SYT2: variants seen among roughly 807,000 people sequenced by gnomAD.
SYT2 encodes synaptotagmin-2.
Under a neutral mutation model 39.9 loss-of-function variants are expected in SYT2, and 15 were observed. The observed-to-expected ratio is 0.38, with a 90% confidence interval of 0.25 to 0.58. The LOEUF (loss-of-function observed/expected upper bound fraction) is 0.58. Ranked by LOEUF, SYT2 falls within the 20% of genes least tolerant of loss-of-function variation. SYT2 has a pLI of 0.70. For synonymous variants in SYT2, 181 were observed against 204.5 expected, an observed-to-expected ratio of 0.89 and a Z score of 0.98; for missense variants, 389 against 530.3, an observed-to-expected ratio of 0.73 and a Z score of 2.62.
At chr1:202,705,590 C>T (rs913236703) in intron 1 of SYT2, among the ~76,000 whole-genome samples, 2 of 152,204 alleles carry the variant, frequency 1.3e-5, no homozygotes, top group Admixed American at 6.5e-5. Context: ...TCCTACTTCC[C>T]TAAGTGTGAG....
At chr1:202,709,125 T>C (rs757751317) in intron 1 of SYT2, among the ~76,000 whole-genome samples, 5 of 152,202 alleles carry the variant, frequency 3.3e-5, no homozygotes, top group Non-Finnish European at 5.9e-5. Context: ...TTCCTCCTCC[T>C]TATAAGCTAA....
intron 1 of SYT2, chr1:202,639,412 C>G (rs1691837481): frequency 2.6e-6 from 2 of 764,490 alleles, no homozygotes. Flanking sequence ...GGCTGGCAAG[C>G]TCCGTCGCTG....
intron 1 of SYT2, among the ~76,000 whole-genome samples, chr1:202,669,345 C>A (rs1261170299): frequency 2.6e-5 from 4 of 151,544 alleles, no homozygotes; most frequent in African/African-American, 9.7e-5. Context: ...ATAGTGAGAC[C>A]TTGTCTGTAC....
chr1:202,693,367 G>A lies in SYT2; in HGVS notation c.-18+16891C>T, dbSNP rs78382612. On this transcript the variant is annotated intron_variant, in intron 1 of 8. Coordinates refer to ENST00000367268, the MANE Select transcript of SYT2 (RefSeq NM_177402.5). ...AGATACCCTTCAAGACCATGGGGAA[G>A]GGTACAGTGCACAGTTCAAACCTCT... 2.4e-4 allele frequency among the ~76,000 whole-genome samples: 37 copies of A among 152,316 alleles called. 1 individual carries two copies. The East Asian group carries it at 6.5e-3, about 27-fold the overall frequency.
chr1:202,682,974 C>T (rs188018467), intron 1 of SYT2, among the ~76,000 whole-genome samples: 15 of 152,126 alleles, frequency 9.9e-5, no homozygotes, highest in African/African-American at 2.2e-4. Context: ...GATATCCAAA[C>T]GGCCAATAAG....
At chr1:202,658,518 C>T (rs985459165) in intron 1 of SYT2, among the ~76,000 whole-genome samples, 3 of 152,068 alleles carry the variant, frequency 2.0e-5, no homozygotes, top group Non-Finnish European at 4.4e-5. Flanking sequence ...GCCTCTGGCC[C>T]CCAGGCTATG....
chr1:202,652,223 C>G (rs1692207459), intron 1 of SYT2, among the ~76,000 whole-genome samples: 1 of 152,216 alleles, frequency 6.6e-6, no homozygotes, highest in South Asian at 2.1e-4. Context: ...GTCCCTTTGC[C>G]TTGGGTGAGT....
At chr1:202,664,015 G>T (rs1692438306) in intron 1 of SYT2, among the ~76,000 whole-genome samples, 1 of 152,198 alleles carries the variant, frequency 6.6e-6, no homozygotes, top group East Asian at 1.9e-4. Flanking sequence ...CAGCATCGGG[G>T]ATGTCAGCTG....
chr1:202,615,772 C>G (rs1440993211), intron 1 of SYT2, among the ~76,000 whole-genome samples: 1 of 152,178 alleles, frequency 6.6e-6, no homozygotes, highest in East Asian at 1.9e-4. Context: ...GGCACTTACT[C>G]TCCCTCAGCC....
At chr1:202,661,679 G>C (rs940158022) in intron 1 of SYT2, among the ~76,000 whole-genome samples, 4 of 152,162 alleles carry the variant, frequency 2.6e-5, no homozygotes, top group Admixed American at 2.6e-4. Context: ...AAGGGGGCAG[G>C]TGTTCAGAGA....
intron 1 of SYT2, among the ~76,000 whole-genome samples, chr1:202,616,489 CAT>C (rs1254058198): frequency 6.6e-6 from 1 of 152,078 alleles, no homozygotes; most frequent in African/African-American, 2.4e-5. Flanking sequence ...CTTGCACACA[CAT>C]ACACATATGC....
intron 1 of SYT2, among the ~76,000 whole-genome samples, chr1:202,624,428 G>A (rs116426901): frequency 0.085 from 12,862 of 151,548 alleles, 880 homozygotes; most frequent in African/African-American, 0.18. Context: ...GTTTGTGTGG[G>A]ATGTGTGTGT....
chr1:202,611,794 T>A lies in SYT2; in HGVS notation c.-17-6005A>T, dbSNP rs191098751. On this transcript the variant is annotated intron_variant, in intron 1 of 8. Transcript: ENST00000367268. ...ATCACTAAACCTAAGGGCACTAAGA[T>A]TTACTCCTTTGTTTTCTTATGGGAG... 3.9e-5 allele frequency among the ~76,000 whole-genome samples: 6 copies of A among 152,344 alleles called. No individual in the cohort carries two copies. In the East Asian group the frequency reaches 1.2e-3, roughly 29 times the overall value.
intron 1 of SYT2, among the ~76,000 whole-genome samples, chr1:202,662,703 A>G (rs1692405170): frequency 6.6e-6 from 1 of 152,216 alleles, no homozygotes; most frequent in African/African-American, 2.4e-5. Flanking sequence ...AGGCTTTGGC[A>G]TTACACAAAG....
chr1:202,626,063 A>G (rs905456019), intron 1 of SYT2, among the ~76,000 whole-genome samples: 2 of 152,194 alleles, frequency 1.3e-5, no homozygotes, highest in Non-Finnish European at 2.9e-5. Flanking sequence ...ACACTGCCAT[A>G]TGTAGAAATG....
At chr1:202,682,903 T>G (rs1653562515) in intron 1 of SYT2, among the ~76,000 whole-genome samples, 1 of 151,972 alleles carries the variant, frequency 6.6e-6, no homozygotes, top group Admixed American at 6.5e-5. Context: ...CACAAATCAA[T>G]AAGAAGAAGA....
At chr1:202,643,991 G>A (rs1692014296) in intron 1 of SYT2, among the ~76,000 whole-genome samples, 2 of 152,294 alleles carry the variant, frequency 1.3e-5, no homozygotes, top group African/African-American at 4.8e-5. Flanking sequence ...GATTTGCTTC[G>A]GGAGATAAGG....
intron 1 of SYT2, among the ~76,000 whole-genome samples, chr1:202,650,724 T>C (rs1692174564): frequency 6.6e-6 from 1 of 152,122 alleles, no homozygotes; most frequent in Non-Finnish European, 1.5e-5. Context: ...GACAGGCACA[T>C]AGGCAGATAA....
chr1:202,667,092 A>G (rs1692492938), intron 1 of SYT2, among the ~76,000 whole-genome samples: 1 of 152,358 alleles, frequency 6.6e-6, no homozygotes, highest in South Asian at 2.1e-4. Flanking sequence ...AGCCTTATGA[A>G]TCTTATAGTA....
Sources: gnomAD v4.1 joint callset for allele counts (sites outside exome capture counted in the v4.1 genomes callset) on GRCh38, gnomAD v4.1.1 for gene constraint, MANE v1.5 for transcripts, NCBI Gene and HGNC (gene_info 2026-07-23, HGNC 2026-07-21) for gene names.